Variants in PGM5 observed in about 807,000 individuals in gnomAD.
PGM5 encodes phosphoglucomutase 5, also known as phosphoglucomutase-like protein 5.
Under a neutral mutation model 59.2 loss-of-function variants are expected in PGM5, and 23 were observed. The ratio of observed to expected loss-of-function variants is 0.39; its 90% CI spans 0.28 to 0.55. The LOEUF (loss-of-function observed/expected upper bound fraction) is 0.55. PGM5 is among the 20% of genes least tolerant of loss of function. PGM5 has a pLI of 0.66. For missense variants in PGM5, 574 were observed against 748.3 expected (o/e 0.77, Z 2.72); for synonymous variants, 214 against 286.0 (o/e 0.75, Z 2.54).
chr9:68,527,735 T>TTGTC (rs57245256), intron 10 of PGM5, among the ~76,000 whole-genome samples: 25,690 of 151,944 alleles, frequency 0.17, 2,439 homozygotes, highest in East Asian at 0.4. Flanking sequence ...CTTCCAGGAG[T>TTGTC]CTATGTGAGC....
chr9:68,471,584 C>T (rs536845483), intron 7 of PGM5, among the ~76,000 whole-genome samples: 1 of 150,752 alleles, frequency 6.6e-6, no homozygotes, highest in Admixed American at 6.6e-5. Context: ...AGTTCAAGGC[C>T]AGCCTGGTCA....
chr9:68,465,372 T>C (rs1470880092), intron 7 of PGM5, among the ~76,000 whole-genome samples, 164 bp downstream of exon 7: 3 of 152,352 alleles, frequency 2.0e-5, no homozygotes, highest in African/African-American at 7.2e-5. Context: ...CTTACCTCTT[T>C]TGTCCATTTT....
intron 6 of PGM5, among the ~76,000 whole-genome samples, chr9:68,438,825 T>A (rs1441488958): frequency 6.6e-6 from 1 of 152,156 alleles, no homozygotes; most frequent in Non-Finnish European, 1.5e-5. Context: ...AGAGAGAGTC[T>A]CTGTGTGTAT....
intron 7 of PGM5, among the ~76,000 whole-genome samples, chr9:68,477,347 C>T (rs1041889561): frequency 9.2e-5 from 14 of 152,184 alleles, no homozygotes; most frequent in African/African-American, 3.4e-4. Context: ...AAAAGTTTAA[C>T]ATTTAACACC....
intron 6 of PGM5, among the ~76,000 whole-genome samples, chr9:68,436,955 C>CT (rs1313069545): frequency 6.6e-6 from 1 of 152,190 alleles, no homozygotes; most frequent in African/African-American, 2.4e-5. Flanking sequence ...CTCCCATCAG[C>CT]TAAGTGAACC....
At chr9:68,478,613 C>T (rs56689423) in intron 7 of PGM5, among the ~76,000 whole-genome samples, 5,128 of 152,252 alleles carry the variant, frequency 0.034, 293 homozygotes, top group African/African-American at 0.12. Flanking sequence ...GGAGGATTCC[C>T]CTTGCCTCTT....
At chr9:68,456,037 C>T (rs1243402697) in intron 6 of PGM5, among the ~76,000 whole-genome samples, 2 of 152,138 alleles carry the variant, frequency 1.3e-5, no homozygotes, top group South Asian at 4.1e-4. Context: ...TGATTTAGCT[C>T]TATTTCTCTT....
intron 6 of PGM5, among the ~76,000 whole-genome samples, chr9:68,410,558 T>G (rs1244949063): frequency 1.3e-4 from 20 of 151,728 alleles, no homozygotes; most frequent in African/African-American, 4.1e-4. Context: ...AGGATGATGA[T>G]GAGGAGGAGG....
chr9:68,444,062 C>CTTTTT (rs71920005), intron 6 of PGM5, among the ~76,000 whole-genome samples: 2 of 131,624 alleles, frequency 1.5e-5, no homozygotes, highest in Non-Finnish European at 1.7e-5. Context: ...TTCTTTCTTT[C>CTTTTT]TTTTTTTTTT....
intron 8 of PGM5, among the ~76,000 whole-genome samples, chr9:68,480,289 C>T (rs1824175992): frequency 6.6e-6 from 1 of 152,210 alleles, no homozygotes; most frequent in Non-Finnish European, 1.5e-5. Context: ...AATCCTCTCT[C>T]TACCTCTTTC....
intron 6 of PGM5, chr9:68,397,551 C>T (rs1356323678): frequency 1.3e-5 from 2 of 152,322 alleles, no homozygotes; most frequent in East Asian, 1.9e-4. Context: ...GCTCTTATGC[C>T]ACCCCTATGG....
intron 9 of PGM5, among the ~76,000 whole-genome samples, chr9:68,492,417 G>A (rs531792057): frequency 6.6e-6 from 1 of 152,300 alleles, no homozygotes; most frequent in East Asian, 1.9e-4. Flanking sequence ...CTTTAAAAGA[G>A]CGTGTAAGGA....
intron 1 of PGM5, among the ~76,000 whole-genome samples, chr9:68,365,658 CTTTTT>C (rs1368477377): frequency 2.0e-5 from 3 of 152,104 alleles, no homozygotes; most frequent in Non-Finnish European, 4.4e-5. Flanking sequence ...TTTACTTTCT[CTTTTT>C]AAGTTTGTAC....
At chr9:68,449,674 C>CT (rs1246620095) in intron 6 of PGM5, among the ~76,000 whole-genome samples, 1 of 152,300 alleles carries the variant, frequency 6.6e-6, no homozygotes, top group Admixed American at 6.5e-5. Flanking sequence ...AAAGCAGTGA[C>CT]TTACCCAAGT....
rs1281138869 is a variant in PGM5, at chr9:68,384,317, G to C, written c.425-81G>C. 10 of 872,624 alleles carry C rather than the reference G, an allele frequency of 1.1e-5. No individual in the cohort carries two copies. The African/African-American group carries it at 1.3e-4, about 12-fold the overall frequency. 54.1% of individuals were successfully genotyped at this position (872,624 alleles called of 1,614,324 possible). A position where few individuals can be genotyped will look rare whatever the true frequency, so the allele number is the denominator to read the frequency against. The stretch of plus-strand genomic sequence containing the variant: ...AGAACAAATGAATCTTTTTCTGCCT[G>C]GTGGAGGAGGATGGTAACATTTCAC... On this transcript the variant is annotated intron_variant, in intron 2 of 10. Coordinates refer to ENST00000396396, the MANE Select transcript of PGM5 (RefSeq NM_021965.4).
intron 6 of PGM5, among the ~76,000 whole-genome samples, chr9:68,433,427 G>A (rs781920322): frequency 5.9e-5 from 9 of 152,194 alleles, no homozygotes; most frequent in African/African-American, 2.2e-4. Context: ...TGTTGAGAGC[G>A]GAGCTAATTT....
intron 6 of PGM5, among the ~76,000 whole-genome samples, chr9:68,461,432 C>T (rs1254738960): frequency 6.6e-6 from 1 of 152,154 alleles, no homozygotes; most frequent in Non-Finnish European, 1.5e-5. Context: ...ACGTAGCAGT[C>T]GTTGCCACAG....
rs370897622 is a variant in PGM5 at position 68,424,366 on chromosome 9, C to A, written c.1043+31893C>A. ...GGTGTGTTGGGTGTCTGGTGAGGGC[C>A]TGGCTTCCTGGTTTATACATGGTTT... On this transcript the variant is annotated intron_variant, in intron 6 of 10. Coordinates refer to ENST00000396396, the MANE Select transcript of PGM5 (RefSeq NM_021965.4). Among the ~76,000 whole-genome samples the A allele has an allele frequency of 3.9e-5, 6 of 152,254 alleles. No individual in the cohort carries two copies. The East Asian group carries it at 9.7e-4, about 25-fold the overall frequency.
chr9:68,371,619 T>C (rs1554677171), intron 1 of PGM5: 5 of 151,818 alleles, frequency 3.3e-5, no homozygotes, highest in African/African-American at 1.2e-4. Flanking sequence ...CAGATAAAGA[T>C]GCAGAGCCTC....
Sources: allele counts gnomAD v4.1 joint callset (sites outside exome capture counted in the v4.1 genomes callset), GRCh38; gene constraint gnomAD v4.1.1; transcripts MANE v1.5; gene names NCBI Gene and HGNC (gene_info 2026-07-23, HGNC 2026-07-21).